The following SAMD12 variants were observed in gnomAD, a reference collection of about 807,000 sequenced individuals.
SAMD12 encodes the protein sterile alpha motif domain-containing protein 12.
Under a neutral mutation model 15.0 loss-of-function variants are expected in SAMD12, and 9 were observed. The observed-to-expected ratio is 0.60, with a 90% confidence interval of 0.36 to 1.05. The LOEUF (loss-of-function observed/expected upper bound fraction) is 1.05. Among genes scored for constraint, SAMD12 ranks in the 50% least tolerant of loss-of-function variants. The probability of loss-of-function intolerance (pLI) is 0.01; values close to 1 mark genes in which losing one functional copy is unlikely to be tolerated. For missense variants in SAMD12, 230 were observed against 234.2 expected, an observed-to-expected ratio of 0.98 and a Z score of 0.12; for synonymous variants, 86 against 90.1, an observed-to-expected ratio of 0.96 and a Z score of 0.25.
chr8:118,375,520 T>C (rs1005576218), downstream of SAMD12, among the ~76,000 whole-genome samples: 1 of 152,180 alleles, frequency 6.6e-6, no homozygotes, highest in African/African-American at 2.4e-5. Context: ...TTGCGTGGCT[T>C]CTATTACTGA....
chr8:118,598,377 A>G (rs1367074466), intron 1 of SAMD12, among the ~76,000 whole-genome samples: 6 of 152,246 alleles, frequency 3.9e-5, no homozygotes, highest in Non-Finnish European at 8.8e-5. Context: ...AAGAGACACC[A>G]GAGTGTGCAA....
intron 2 of SAMD12, among the ~76,000 whole-genome samples, chr8:118,576,035 A>G (rs1178764110): frequency 1.3e-5 from 2 of 152,068 alleles, no homozygotes; most frequent in Non-Finnish European, 2.9e-5. Context: ...ACTCAGGTCC[A>G]AGGATGAGGA....
At chr8:118,399,504 C>T (rs1358410117) in intron 3 of SAMD12, among the ~76,000 whole-genome samples, 1 of 152,078 alleles carries the variant, frequency 6.6e-6, no homozygotes, top group Non-Finnish European at 1.5e-5. Flanking sequence ...CATCCAACGA[C>T]TGGTAGATGA....
the SAMD12 span, among the ~76,000 whole-genome samples, chr8:118,172,065 T>C: frequency 6.6e-6 from 1 of 151,722 alleles, no homozygotes. Flanking sequence ...TGAGAATACT[T>C]GGACACAGGG....
chr8:118,281,018 A>C (rs539785683), intron 4 of SAMD12, among the ~76,000 whole-genome samples: 1 of 152,180 alleles, frequency 6.6e-6, no homozygotes, highest in South Asian at 2.1e-4. Flanking sequence ...TGGACTCTTT[A>C]TATTGTTAAA....
At chr8:118,552,709 G>A (rs190838060) in intron 2 of SAMD12, among the ~76,000 whole-genome samples, 44,044 of 150,014 alleles carry the variant, frequency 0.29, 10,043 homozygotes, top group African/African-American at 0.64. Context: ...GGAAATAAAG[G>A]GTATTCAATT....
downstream of SAMD12, among the ~76,000 whole-genome samples, chr8:118,185,948 A>G (rs17507089): frequency 0.012 from 1,822 of 152,302 alleles, 46 homozygotes; most frequent in African/African-American, 0.041. Context: ...TGCCTGCTTG[A>G]AAGAACATTG....
chr8:118,350,322 C>T (rs937051726), intron 4 of SAMD12, among the ~76,000 whole-genome samples: 9 of 152,184 alleles, frequency 5.9e-5, no homozygotes, highest in African/African-American at 2.2e-4. Context: ...CCTCATCATG[C>T]TGTGGTTTGT....
chr8:118,299,084 T>C (rs976245297), intron 4 of SAMD12, among the ~76,000 whole-genome samples: 2 of 152,186 alleles, frequency 1.3e-5, no homozygotes, highest in African/African-American at 4.8e-5. Context: ...TGTCCACTTC[T>C]GTGTGTGGGA....
Position 118,378,910 on chromosome 8 carries a change from TTA to T in SAMD12, c.*505_*506del. ...AGTTATTTATAATTCCTGTTAAGAA[TTA>T]TATACTCTTAACAGTGTAGTTTTAG... is the stretch of plus-strand genomic sequence containing the variant. On this transcript the variant is annotated 3_prime_UTR_variant, in exon 4 of 4. Transcript: ENST00000314727. 1 of 945,462 alleles carries T rather than the reference TTA, an allele frequency of 1.1e-6. No individual in the cohort carries two copies. The highest frequency in any genetic ancestry group is 1.3e-6 in the Non-Finnish European group (1 of 793,274). The allele number at this position is 945,462 out of a possible 1,614,324, so 58.6% of individuals were successfully genotyped here.
At chr8:118,175,227 C>T in the SAMD12 span, among the ~76,000 whole-genome samples, 1 of 152,102 alleles carries the variant, frequency 6.6e-6, no homozygotes, top group Non-Finnish European at 1.5e-5. Context: ...CCAACAATAA[C>T]AAGCAATAGG....
intron 2 of SAMD12, among the ~76,000 whole-genome samples, chr8:118,497,069 CAG>C (rs1017229418): frequency 3.0e-4 from 46 of 152,288 alleles, no homozygotes; most frequent in Middle Eastern, 3.4e-3. Context: ...CAAAAAATAA[CAG>C]ATGTTGGCGA....
chr8:118,360,405 A>G (rs1818434003), intron 4 of SAMD12, among the ~76,000 whole-genome samples: 1 of 152,192 alleles, frequency 6.6e-6, no homozygotes, highest in South Asian at 2.1e-4. Flanking sequence ...AAGGAAAACA[A>G]AAGAATGGTT....
chr8:118,411,008 G>A (rs910049553), intron 3 of SAMD12, among the ~76,000 whole-genome samples: 1 of 152,142 alleles, frequency 6.6e-6, no homozygotes, highest in African/African-American at 2.4e-5. Context: ...AATGTCATCA[G>A]TAAGTAAGAA....
At chr8:118,160,468 G>A in the SAMD12 span, among the ~76,000 whole-genome samples, 1 of 152,176 alleles carries the variant, frequency 6.6e-6, no homozygotes, top group Admixed American at 6.5e-5. Context: ...AATCAAGCCA[G>A]TGTCATACTT....
chr8:118,557,385 A>T (rs144488945), intron 2 of SAMD12, among the ~76,000 whole-genome samples: 7 of 152,374 alleles, frequency 4.6e-5, no homozygotes, highest in African/African-American at 1.7e-4. Context: ...TAAATTACTC[A>T]GTCTTGGGTA....
At chr8:118,608,686 T>G (rs1828037014) in intron 1 of SAMD12, among the ~76,000 whole-genome samples, 2 of 152,052 alleles carry the variant, frequency 1.3e-5, no homozygotes, top group Non-Finnish European at 2.9e-5. Context: ...GTATTTTTAG[T>G]AGAGACAGGG....
At chr8:118,455,268 CCTCTCTCTCTCT>C (rs57371997) in intron 2 of SAMD12, among the ~76,000 whole-genome samples, 3 of 148,628 alleles carry the variant, frequency 2.0e-5, no homozygotes, top group Non-Finnish European at 4.5e-5. Context: ...GGCTTTCACA[CCTCTCTCTCTCT>C]CTCTCTCTCT....
At chr8:118,199,626 GCTTCTT>G (rs1161630231) in intron 4 of SAMD12, among the ~76,000 whole-genome samples, 1 of 152,180 alleles carries the variant, frequency 6.6e-6, no homozygotes, top group Admixed American at 6.6e-5. Context: ...CATAGTTACT[GCTTCTT>G]TAAATAACCA....
Sources: gnomAD v4.1 joint callset for allele counts (sites outside exome capture counted in the v4.1 genomes callset) on GRCh38, gnomAD v4.1.1 for gene constraint, MANE v1.5 for transcripts, NCBI Gene and HGNC (gene_info 2026-07-23, HGNC 2026-07-21) for gene names.